Variants in PITPNC1 observed in about 807,000 individuals in gnomAD.
PITPNC1 encodes the protein phosphatidylinositol transfer protein cytoplasmic 1.
A neutral mutation model predicts 44.7 loss-of-function variants in PITPNC1; 18 were observed. The observed-to-expected ratio is 0.40, with a 90% confidence interval of 0.28 to 0.60. The LOEUF (loss-of-function observed/expected upper bound fraction) is 0.60, where lower values mean the gene tolerates loss of function less well. Among genes scored for constraint, PITPNC1 ranks in the 20% least tolerant of loss-of-function variants. The probability of loss-of-function intolerance (pLI) is 0.39; values close to 1 mark genes in which losing one functional copy is unlikely to be tolerated. For missense variants in PITPNC1, 290 were observed against 418.4 expected, an observed-to-expected ratio of 0.69 and a Z score of 2.68; for synonymous variants, 141 against 149.6, an observed-to-expected ratio of 0.94 and a Z score of 0.42.
intron 1 of PITPNC1, chr17:67,408,628 A>G (rs1197095759): frequency 8.3e-6 from 1 of 120,120 alleles, no homozygotes; most frequent in Non-Finnish European, 1.7e-5. Context: ...TTTCACTCTC[A>G]TTTCCTTTCC....
At chr17:67,455,596 TTTTTTTTTG>T (rs994502988) in intron 1 of PITPNC1, among the ~76,000 whole-genome samples, 2 of 117,044 alleles carry the variant, frequency 1.7e-5, no homozygotes, top group South Asian at 2.7e-4. Context: ...GTTTTTTTTG[TTTTTTTTTG>T]TTTTTTTTGT....
intron 1 of PITPNC1, among the ~76,000 whole-genome samples, chr17:67,396,721 G>A (rs1020610097): frequency 5.9e-5 from 9 of 152,134 alleles, no homozygotes; most frequent in African/African-American, 1.9e-4. Context: ...CTGGAGTGCA[G>A]TGGTGCAATC....
At chr17:67,594,970 T>G (rs2041441313) in intron 5 of PITPNC1, among the ~76,000 whole-genome samples, 1 of 152,224 alleles carries the variant, frequency 6.6e-6, no homozygotes, top group African/African-American at 2.4e-5. Context: ...GTTTTTCATG[T>G]TTTAACAACT....
chr17:67,410,712 A>G (rs1314138951), intron 1 of PITPNC1, among the ~76,000 whole-genome samples: 1 of 151,998 alleles, frequency 6.6e-6, no homozygotes. Flanking sequence ...TGCTGTTAGT[A>G]GGTGAGTCTG....
intron 1 of PITPNC1, among the ~76,000 whole-genome samples, chr17:67,499,971 A>G (rs757555522): frequency 1.2e-4 from 19 of 152,224 alleles, no homozygotes; most frequent in Non-Finnish European, 2.4e-4. Flanking sequence ...GTTTTAAATA[A>G]ATGCATATAC....
At chr17:67,522,659 C>CTTGTT (rs1555661489) in intron 1 of PITPNC1, among the ~76,000 whole-genome samples, 1 of 117,228 alleles carries the variant, frequency 8.5e-6, no homozygotes, top group Admixed American at 9.1e-5. Context: ...CCATTTTAAT[C>CTTGTT]TTTTTTTTTT....
chr17:67,418,787 C>T (rs2038623427), intron 1 of PITPNC1, among the ~76,000 whole-genome samples: 1 of 152,138 alleles, frequency 6.6e-6, no homozygotes, highest in Non-Finnish European at 1.5e-5. Context: ...TCTCGAACTC[C>T]TGACCTCAGG....
chr17:67,680,834 T>C (rs1475602283), intron 8 of PITPNC1, among the ~76,000 whole-genome samples: 1 of 152,226 alleles, frequency 6.6e-6, no homozygotes, highest in Non-Finnish European at 1.5e-5. Flanking sequence ...CAAAGAAGTA[T>C]CCATTCTTAT....
At chr17:67,445,667 C>G (rs1486273242) in intron 1 of PITPNC1, among the ~76,000 whole-genome samples, 3 of 152,046 alleles carry the variant, frequency 2.0e-5, no homozygotes, top group African/African-American at 7.2e-5. Flanking sequence ...GTTTTCCATA[C>G]TCAGCCCTAC....
intron 4 of PITPNC1, among the ~76,000 whole-genome samples, chr17:67,556,566 G>A (rs2040840780): frequency 6.6e-6 from 1 of 152,136 alleles, no homozygotes; most frequent in Admixed American, 6.5e-5. Context: ...ATGGGCCAAG[G>A]GAAGGGAGGG....
At chr17:67,661,013 C>T (rs978772850) in intron 6 of PITPNC1, among the ~76,000 whole-genome samples, 25 of 150,144 alleles carry the variant, frequency 1.7e-4, no homozygotes, top group African/African-American at 6.2e-4. Context: ...CGCCCGCCAC[C>T]ACGCCCAGCT....
intron 8 of PITPNC1, among the ~76,000 whole-genome samples, chr17:67,683,423 G>A (rs905986889): frequency 6.6e-6 from 1 of 152,084 alleles, no homozygotes; most frequent in Non-Finnish European, 1.5e-5. Context: ...ACCTGAACAG[G>A]AGCATTTTCA....
intron 1 of PITPNC1, among the ~76,000 whole-genome samples, chr17:67,403,577 G>C (rs898628178): frequency 6.6e-6 from 1 of 152,234 alleles, no homozygotes; most frequent in African/African-American, 2.4e-5. Flanking sequence ...GAACATTCTA[G>C]TGGGCCAGGC....
intron 8 of PITPNC1, chr17:67,686,992 A>T: frequency 1.2e-6 from 1 of 835,844 alleles, no homozygotes; most frequent in Non-Finnish European, 2.1e-6. Flanking sequence ...CTCAGCTACC[A>T]TCTTTCCCTA....
At chr17:67,387,129 C>G (rs1342630388) in intron 1 of PITPNC1, among the ~76,000 whole-genome samples, 1 of 152,222 alleles carries the variant, frequency 6.6e-6, no homozygotes, top group African/African-American at 2.4e-5. Flanking sequence ...TTCAAACGAA[C>G]AGCGTCGCAG....
intron 1 of PITPNC1, among the ~76,000 whole-genome samples, chr17:67,398,921 T>C (rs1157454248): frequency 2.0e-5 from 3 of 152,104 alleles, no homozygotes; most frequent in Non-Finnish European, 4.4e-5. Flanking sequence ...TTTCTCACCT[T>C]TCCAATTTGC....
At chr17:67,384,921 C>G (rs142189914) in intron 1 of PITPNC1, among the ~76,000 whole-genome samples, 58 of 152,332 alleles carry the variant, frequency 3.8e-4, no homozygotes, top group Non-Finnish European at 6.5e-4. Context: ...TTTTCCTTGT[C>G]TGGTATAAAA....
intron 5 of PITPNC1, among the ~76,000 whole-genome samples, chr17:67,593,512 C>T (rs1270700796): frequency 6.6e-6 from 1 of 152,028 alleles, no homozygotes; most frequent in African/African-American, 2.4e-5. Flanking sequence ...GACTCTCCTG[C>T]CTCAGCCTCC....
intron 1 of PITPNC1, among the ~76,000 whole-genome samples, chr17:67,418,605 G>A (rs2038619552): frequency 6.6e-6 from 1 of 151,932 alleles, no homozygotes; most frequent in Non-Finnish European, 1.5e-5. Context: ...CACCCAGGCT[G>A]GAGTGCAGTG....
Sources: allele counts gnomAD v4.1 joint callset (sites outside exome capture counted in the v4.1 genomes callset), GRCh38; gene constraint gnomAD v4.1.1; transcripts MANE v1.5; gene names NCBI Gene and HGNC (gene_info 2026-07-23, HGNC 2026-07-21).